Variants in HDAC9 observed in about 807,000 individuals in gnomAD.
HDAC9 encodes MEF-2 interacting transcription repressor (MITR) protein.
Under a neutral mutation model 139.4 loss-of-function variants are expected in HDAC9, and 41 were observed. That is an observed-to-expected ratio of 0.29 (90% CI 0.23 to 0.38). The LOEUF (loss-of-function observed/expected upper bound fraction) is 0.38. Ranked by LOEUF, HDAC9 falls within the 10% of genes least tolerant of loss-of-function variation. HDAC9 has a pLI of 1.00. For synonymous variants in HDAC9, 517 were observed against 476.2 expected (o/e 1.09, Z -1.12); for missense variants, 1,147 against 1,297.0 (o/e 0.88, Z 1.78).
intron 25 of HDAC9, among the ~76,000 whole-genome samples, chr7:18,992,054 C>T (rs1786022699): frequency 6.6e-6 from 1 of 152,172 alleles, no homozygotes; most frequent in South Asian, 2.1e-4. Context: ...AGCCTCACTG[C>T]TTTGGGAAGA....
intron 17 of HDAC9, among the ~76,000 whole-genome samples, chr7:18,798,227 AT>A (rs1278006392): frequency 1.3e-5 from 2 of 152,180 alleles, no homozygotes; most frequent in Non-Finnish European, 2.9e-5. Flanking sequence ...TTCCAAAGTC[AT>A]TTTACCACAA....
At chr7:18,648,414 G>GTGTA (rs2129031024) in intron 10 of HDAC9, 52 bp from the exon 11 acceptor site, 2 of 1,162,608 alleles carry the variant, frequency 1.7e-6, no homozygotes, top group Admixed American at 1.8e-5. Context: ...GTGTGTATGT[G>GTGTA]TGTGTGTGTG....
At chr7:18,742,650 T>C (rs1374069681) in intron 13 of HDAC9, among the ~76,000 whole-genome samples, 3 of 152,116 alleles carry the variant, frequency 2.0e-5, no homozygotes, top group Non-Finnish European at 4.4e-5. Flanking sequence ...ACTTTTTATT[T>C]GGTTATTTTT....
At chr7:18,545,887 G>A (rs1015386229) in intron 2 of HDAC9, among the ~76,000 whole-genome samples, 1 of 152,080 alleles carries the variant, frequency 6.6e-6, no homozygotes, top group Non-Finnish European at 1.5e-5. Flanking sequence ...AATAAGAGAG[G>A]GGAAAAGAAT....
At chr7:18,441,918 C>G (rs140440438) in intron 1 of HDAC9, among the ~76,000 whole-genome samples, 2 of 152,224 alleles carry the variant, frequency 1.3e-5, no homozygotes, top group African/African-American at 4.8e-5. Context: ...CGGGCGCCCG[C>G]TACCACGCCC....
intron 1 of HDAC9, among the ~76,000 whole-genome samples, chr7:18,487,104 A>G (rs922988548): frequency 5.9e-5 from 9 of 152,076 alleles, no homozygotes; most frequent in South Asian, 2.1e-4. Flanking sequence ...TATATTGGAT[A>G]TAAGGAAAAA....
intron 6 of HDAC9, among the ~76,000 whole-genome samples, chr7:18,602,219 C>G (rs1089358): frequency 0.89 from 135,035 of 152,074 alleles, 60,012 homozygotes; most frequent in South Asian, 0.95. Context: ...ATTCATGTGA[C>G]TTTTCAAACT....
intron 1 of HDAC9, among the ~76,000 whole-genome samples, chr7:18,410,914 C>T (rs1352649136): frequency 1.3e-5 from 2 of 151,948 alleles, no homozygotes; most frequent in African/African-American, 4.8e-5. Context: ...GAAGCAAGCT[C>T]AATGTTATAG....
chr7:18,763,875 G>T (rs922959708), intron 15 of HDAC9, among the ~76,000 whole-genome samples: 1 of 152,012 alleles, frequency 6.6e-6, no homozygotes, highest in Admixed American at 6.6e-5. Flanking sequence ...CAACTTTATT[G>T]GAACAGGCTG....
intron 1 of HDAC9, among the ~76,000 whole-genome samples, chr7:18,475,047 C>T (rs1422951668): frequency 6.6e-6 from 1 of 152,184 alleles, no homozygotes; most frequent in East Asian, 1.9e-4. Flanking sequence ...TGGATTTACC[C>T]TGTGGGTTTT....
intron 1 of HDAC9, among the ~76,000 whole-genome samples, chr7:18,089,169 G>T (rs1781987631): frequency 6.6e-6 from 1 of 152,098 alleles, no homozygotes; most frequent in East Asian, 1.9e-4. Context: ...AGGAAGTTAA[G>T]GAGTTTTAAA....
intron 13 of HDAC9, among the ~76,000 whole-genome samples, chr7:18,729,165 T>G (rs1178130): frequency 6.6e-6 from 1 of 152,048 alleles, no homozygotes; most frequent in East Asian, 1.9e-4. Context: ...TAAGAATTAC[T>G]TACTCTCTAT....
chr7:18,973,683 G>C (rs1388405752), intron 24 of HDAC9, among the ~76,000 whole-genome samples: 4 of 152,204 alleles, frequency 2.6e-5, no homozygotes, highest in African/African-American at 7.2e-5. Flanking sequence ...GAATGGAACT[G>C]TCAATTCAGA....
At chr7:18,205,637 C>T (rs1379687272) in intron 2 of HDAC9, among the ~76,000 whole-genome samples, 1 of 152,048 alleles carries the variant, frequency 6.6e-6, no homozygotes, top group Admixed American at 6.5e-5. Flanking sequence ...ATTATATCTA[C>T]AAAATAACTT....
intron 15 of HDAC9, among the ~76,000 whole-genome samples, chr7:18,766,270 A>G (rs1789822517): frequency 6.6e-6 from 1 of 152,208 alleles, no homozygotes; most frequent in South Asian, 2.1e-4. Context: ...ATTACTCCAC[A>G]GACAGATTTT....
intron 25 of HDAC9, among the ~76,000 whole-genome samples, chr7:18,986,884 A>G (rs979492033): frequency 2.6e-5 from 4 of 152,164 alleles, no homozygotes; most frequent in African/African-American, 7.2e-5. Flanking sequence ...TTGTTGGTGT[A>G]TAAGAATGCT....
At chr7:18,922,280 C>T (rs1052040933) in intron 22 of HDAC9, among the ~76,000 whole-genome samples, 10 of 151,936 alleles carry the variant, frequency 6.6e-5, no homozygotes, top group Non-Finnish European at 1.0e-4. Flanking sequence ...TAACAAGACA[C>T]TGTGCTAAAT....
At chr7:18,106,094 G>C (rs1783184571) in intron 1 of HDAC9, among the ~76,000 whole-genome samples, 1 of 152,166 alleles carries the variant, frequency 6.6e-6, no homozygotes, top group African/African-American at 2.4e-5. Flanking sequence ...AGGATATAGG[G>C]TTTCTTTCTG....
At chr7:18,522,235 T>C (rs1805281926) in intron 2 of HDAC9, among the ~76,000 whole-genome samples, 2 of 152,124 alleles carry the variant, frequency 1.3e-5, no homozygotes, top group South Asian at 4.2e-4. Flanking sequence ...AAAAAGCACT[T>C]AGGGCCATTC....
Sources: gnomAD v4.1 joint callset for allele counts (sites outside exome capture counted in the v4.1 genomes callset) on GRCh38, gnomAD v4.1.1 for gene constraint, MANE v1.5 for transcripts, NCBI Gene and HGNC (gene_info 2026-07-23, HGNC 2026-07-21) for gene names.